SOX6: variants seen among roughly 807,000 people sequenced by gnomAD.
The protein encoded by SOX6 is transcription factor SOX-6.
In SOX6, 11 loss-of-function variants were observed where a neutral mutation model predicts 97.8. The observed-to-expected ratio is 0.11, with a 90% CI of 0.07 to 0.19. The LOEUF is 0.19. Ranked by LOEUF, SOX6 falls within the 10% of genes least tolerant of loss-of-function variation. SOX6 has a pLI of 1.00. For missense variants in SOX6, 810 were observed against 1,039.5 expected, an observed-to-expected ratio of 0.78 and a Z score of 3.04; for synonymous variants, 360 against 371.4, an observed-to-expected ratio of 0.97 and a Z score of 0.35.
intron 14 of SOX6, among the ~76,000 whole-genome samples, 179 bp downstream of exon 14, chr11:15,988,818 T>G: frequency 6.6e-6 from 1 of 152,178 alleles, no homozygotes; most frequent in East Asian, 1.9e-4. Context: ...TGCCACATTA[T>G]GGGGTGGGGG....
At chr11:16,184,089 C>A in intron 5 of SOX6, 135 bp from the exon 6 acceptor site, 1 of 805,682 alleles carries the variant, frequency 1.2e-6, no homozygotes, top group Non-Finnish European at 2.0e-6. Flanking sequence ...ATGAGAGAGG[C>A]CAAATCAGAA....
At chr11:16,604,302 T>A (rs1157728892) in intron 4 of SOX6, among the ~76,000 whole-genome samples, 1 of 152,188 alleles carries the variant, frequency 6.6e-6, no homozygotes, top group Non-Finnish European at 1.5e-5. Flanking sequence ...ACCTGACCAC[T>A]TGACCTTTTT....
exon 1 of SOX6, chr11:16,738,433 A>T (rs1590070687): frequency 5.1e-6 from 2 of 390,688 alleles, no homozygotes; most frequent in East Asian, 1.0e-4. Context: ...ACCGCCATAC[A>T]CATCCGCGGG....
At chr11:16,046,013 CA>C (rs1360550279) in intron 12 of SOX6, among the ~76,000 whole-genome samples, 1 of 152,166 alleles carries the variant, frequency 6.6e-6, no homozygotes, top group Admixed American at 6.5e-5. Flanking sequence ...CAGAGTCCAT[CA>C]TAGAATAAAC....
At chr11:16,594,380 A>T (rs1476083744) in intron 4 of SOX6, among the ~76,000 whole-genome samples, 1 of 152,218 alleles carries the variant, frequency 6.6e-6, no homozygotes, top group Non-Finnish European at 1.5e-5. Context: ...ATCTGTAAAC[A>T]TTTAAAGAAT....
At position 16,099,564 on chromosome 11, in the gene SOX6, C is replaced by T. The variant is rs77320579; in HGVS notation, c.899-1876G>A. On this transcript the variant is annotated intron_variant, in intron 7 of 15. Coordinates refer to ENST00000683767, the MANE Select transcript of SOX6 (RefSeq NM_001367873.1). Reference sequence around the variant, plus strand: ...ATACTAACTCTAAACCACAACCCCCCTCCCTGTAAGTTTAATACCAGTTGC... The same window carrying T: ...ATACTAACTCTAAACCACAACCCCCTTCCCTGTAAGTTTAATACCAGTTGC... Among the ~76,000 whole-genome samples the T allele has an allele frequency of 1.7e-3, 254 of 151,866 alleles. 1 individual carries two copies. Among genetic ancestry groups the T allele is most frequent in the African/African-American group, 4.1e-3 (171 of 41,494 alleles).
At chr11:16,193,518 C>T (rs1053781168) in intron 4 of SOX6, among the ~76,000 whole-genome samples, 1 of 152,126 alleles carries the variant, frequency 6.6e-6, no homozygotes, top group African/African-American at 2.4e-5. Flanking sequence ...TGTATTAGAT[C>T]AATGCACACA....
chr11:16,144,720 A>T (rs1278923096), intron 6 of SOX6, among the ~76,000 whole-genome samples: 1 of 152,242 alleles, frequency 6.6e-6, no homozygotes, highest in Admixed American at 6.5e-5. Context: ...TATTATCAAC[A>T]ACTCTATGCA....
chr11:16,535,272 A>ATG (rs1186255653), intron 4 of SOX6, among the ~76,000 whole-genome samples: 2 of 152,226 alleles, frequency 1.3e-5, no homozygotes, highest in Non-Finnish European at 2.9e-5. Context: ...CCTCCCAGTA[A>ATG]ACCCAGAGCA....
At chr11:16,571,709 T>C (rs1393041137) in intron 4 of SOX6, among the ~76,000 whole-genome samples, 1 of 152,214 alleles carries the variant, frequency 6.6e-6, no homozygotes, top group South Asian at 2.1e-4. Context: ...TGGAGTGCAG[T>C]AGTGCGATCT....
At chr11:16,382,890 G>A (rs532138341) in intron 1 of SOX6, among the ~76,000 whole-genome samples, 47 of 151,596 alleles carry the variant, frequency 3.1e-4, no homozygotes, top group South Asian at 6.2e-4. Flanking sequence ...GCTCTTAACC[G>A]CAACTTAATC....
chr11:16,229,514 A>C (rs1483643267), intron 4 of SOX6, among the ~76,000 whole-genome samples: 1 of 152,042 alleles, frequency 6.6e-6, no homozygotes, highest in Non-Finnish European at 1.5e-5. Flanking sequence ...GTAGAGCAAT[A>C]AATAGAAAAA....
chr11:16,391,187 C>T (rs1362127467), intron 1 of SOX6, among the ~76,000 whole-genome samples: 4 of 151,964 alleles, frequency 2.6e-5, no homozygotes, highest in Non-Finnish European at 4.4e-5. Context: ...CACTGGGGAA[C>T]ATCACACACT....
chr11:16,636,840 TGAA>T (rs1353504367), intron 3 of SOX6, among the ~76,000 whole-genome samples: 2 of 152,184 alleles, frequency 1.3e-5, no homozygotes, highest in South Asian at 2.1e-4. Context: ...TGCTGCCATG[TGAA>T]GAAGGACATG....
chr11:16,644,787 A>G (rs1162266537), intron 3 of SOX6, among the ~76,000 whole-genome samples: 1 of 152,138 alleles, frequency 6.6e-6, no homozygotes, highest in African/African-American at 2.4e-5. Flanking sequence ...TGTTAATTGT[A>G]TTGTTCAAAT....
chr11:16,065,975 C>T (rs992532345), intron 9 of SOX6, among the ~76,000 whole-genome samples: 2 of 152,108 alleles, frequency 1.3e-5, no homozygotes, highest in African/African-American at 4.8e-5. Context: ...AGTGAAGAGA[C>T]AATCCCAATA....
intron 13 of SOX6, among the ~76,000 whole-genome samples, chr11:16,014,002 G>A (rs942379426): frequency 2.0e-5 from 3 of 152,016 alleles, no homozygotes; most frequent in African/African-American, 7.2e-5. Context: ...CTTTAGCTGG[G>A]ACCTGAGATG....
chr11:16,046,367 T>C (rs1436888802), intron 12 of SOX6, 147 bp downstream of exon 12: 2 of 828,776 alleles, frequency 2.4e-6, no homozygotes, highest in African/African-American at 1.7e-5. Flanking sequence ...AGATGCTACA[T>C]GACAGATTTC....
At chr11:16,507,247 C>T (rs1263888668) in intron 4 of SOX6, among the ~76,000 whole-genome samples, 1 of 152,008 alleles carries the variant, frequency 6.6e-6, no homozygotes, top group East Asian at 1.9e-4. Flanking sequence ...AAACCTGTGA[C>T]CTGATTAAAT....
Sources: gnomAD v4.1 joint callset for allele counts (sites outside exome capture counted in the v4.1 genomes callset) on GRCh38, gnomAD v4.1.1 for gene constraint, MANE v1.5 for transcripts, NCBI Gene and HGNC (gene_info 2026-07-23, HGNC 2026-07-21) for gene names.